GALNT9: variants seen among roughly 807,000 people sequenced by gnomAD.
GALNT9 encodes polypeptide N-acetylgalactosaminyltransferase 9, also known as GalNAc transferase 9.
GALNT9 carries 47 observed loss-of-function variants against 63.1 expected under a neutral mutation model. That is an observed-to-expected ratio of 0.75 (90% CI 0.59 to 0.95). The LOEUF (loss-of-function observed/expected upper bound fraction) is 0.95, where lower values mean the gene tolerates loss of function less well. Ranked by LOEUF, GALNT9 falls within the 40% of genes least tolerant of loss-of-function variation. The pLI is 0.00. For synonymous variants in GALNT9, 396 were observed against 365.7 expected (o/e 1.08, Z -0.94); for missense variants, 829 against 874.8 (o/e 0.95, Z 0.66).
rs1027151803 is a variant in GALNT9, at chr12:132,196,779, G to T, written c.*328C>A. ...CCGGGGCTTGGCCTCCCTATGGGGC[G>T]TGGGGGGCTGTGGTACATGCAGAGG... On this transcript the variant is annotated 3_prime_UTR_variant, in exon 11 of 11. Transcript: ENST00000328957. 7 of 1,096,688 alleles carry T rather than the reference G, an allele frequency of 6.4e-6. No individual in the cohort carries two copies. The African/African-American group carries it at 8.3e-5, about 13-fold the overall frequency. 67.9% of individuals were successfully genotyped at this position (1,096,688 alleles called of 1,614,324 possible).
rs1015087596 is a variant in GALNT9 at position 132,235,665 on chromosome 12, C to T, written c.1077+12245G>A. On this transcript the variant is annotated intron_variant, in intron 6 of 10. Transcript: ENST00000328957. Reference sequence around the variant, plus strand: ...CCAGCGGCCCTGGCGGCCAGCCCCTCGGGACAGGGCAGGAGGGTCCCCCGG... The same window carrying T: ...CCAGCGGCCCTGGCGGCCAGCCCCTTGGGACAGGGCAGGAGGGTCCCCCGG... 4.0e-5 allele frequency among the ~76,000 whole-genome samples: 6 copies of T among 151,896 alleles called. No homozygotes were observed. The East Asian group carries it at 7.8e-4, about 20-fold the overall frequency.
chr12:132,213,085 C>T (rs111827401), intron 6 of GALNT9, among the ~76,000 whole-genome samples: 268 of 93,206 alleles, frequency 2.9e-3, no homozygotes, highest in Middle Eastern at 5.1e-3. Flanking sequence ...GACCTCGACA[C>T]GGAAACCCCA....
rs561949327 is a variant in GALNT9, at chr12:132,247,799, C to T, written c.1077+111G>A. On this transcript the variant is annotated intron_variant, in intron 6 of 10. Transcript: ENST00000328957. Reference sequence around the variant, plus strand: ...CATCCCCGGACGCTGCAGCCACACTCGCCCTCACCCCGTCCCCGGACACCG... The same window carrying T: ...CATCCCCGGACGCTGCAGCCACACTTGCCCTCACCCCGTCCCCGGACACCG... 127 of 1,493,274 alleles carry T rather than the reference C, an allele frequency of 8.5e-5. 1 individual carries two copies. In the African/African-American group the frequency reaches 1.6e-3, roughly 19 times the overall value. The allele number at this position is 1,493,274 out of a possible 1,614,324, so 92.5% of individuals were successfully genotyped here. A position where few individuals can be genotyped will look rare whatever the true frequency, so the allele number is the denominator to read the frequency against.
chr12:132,261,447 GT>G (rs1487609871), intron 3 of GALNT9, among the ~76,000 whole-genome samples: 40 of 152,358 alleles, frequency 2.6e-4, no homozygotes, highest in African/African-American at 8.7e-4. Flanking sequence ...GCATGGATGG[GT>G]GGACACACAA....
At position 132,246,643 on chromosome 12, in the gene GALNT9, C is replaced by T. The variant is rs1878715552; in HGVS notation, c.1077+1267G>A. Among the ~76,000 whole-genome samples the T allele has an allele frequency of 6.6e-6, 1 of 152,226 alleles. No homozygotes were observed. Among genetic ancestry groups the T allele is most frequent in the Non-Finnish European group, 1.5e-5 (1 of 68,038 alleles). On this transcript the variant is annotated intron_variant, in intron 6 of 10. Transcript: ENST00000328957. The surrounding 1 kb of genome is among the most constrained non-coding windows in gnomAD (Gnocchi z 4.7). Reference sequence around the variant, plus strand: ...CGCCTCCTGGGTTCAAGTGATTCTCCTGCCTCAGCCTCCTGAGTAGCTGGG... The same window carrying T: ...CGCCTCCTGGGTTCAAGTGATTCTCTTGCCTCAGCCTCCTGAGTAGCTGGG...
At chr12:132,308,304 T>C (rs1347945870) in intron 1 of GALNT9, among the ~76,000 whole-genome samples, 1 of 152,152 alleles carries the variant, frequency 6.6e-6, no homozygotes, top group Non-Finnish European at 1.5e-5. Flanking sequence ...AAGAAATGTG[T>C]GTCATTTTAG....
rs138292576 is a variant in GALNT9 at position 132,282,468 on chromosome 12, C to G, written c.419+3782G>C. On this transcript the variant is annotated intron_variant, in intron 2 of 10. Coordinates refer to ENST00000328957, the MANE Select transcript of GALNT9 (RefSeq NM_001122636.2). This position sits in a 1 kb window ranked among gnomAD's most constrained non-coding sequence, Gnocchi z 4.5. ...GTGTGCGTGTGCATGTGTGTGTGCA[C>G]GCATGTGGTAATTTATTGCAAAGTC... is the stretch of plus-strand genomic sequence containing the variant. Among the ~76,000 whole-genome samples the G allele has an allele frequency of 5.3e-5, 8 of 152,150 alleles. No individual in the cohort carries two copies. Among genetic ancestry groups the G allele is most frequent in the Non-Finnish European group, 1.0e-4 (7 of 68,024 alleles).
chr12:132,197,957 C>T lies in GALNT9; in HGVS notation c.1500G>A (p.Leu500=). 6.2e-7 allele frequency: 1 copy of T among 1,605,866 alleles called. No homozygotes were observed. Among genetic ancestry groups the T allele is most frequent in the Non-Finnish European group, 8.5e-7 (1 of 1,175,524 alleles). The change falls in exon 10 of 11, where the codon CTG becomes CTA. Residue 500 remains leucine (L), a splice_region_variant and synonymous_variant. Coordinates refer to ENST00000328957, the MANE Select transcript of GALNT9 (RefSeq NM_001122636.2). Reference sequence around the variant, plus strand: ...GCAGTCCATCAGCGCTGTACCGCACCAGCTGGGGACAGGACCACCGGGACT... The same window carrying T: ...GCAGTCCATCAGCGCTGTACCGCACTAGCTGGGGACAGGACCACCGGGACT... ...LYPCHGMSSQ[L]VRYSADGLLQ...
intron 6 of GALNT9, chr12:132,240,451 C>A (rs1183876095): frequency 2.7e-6 from 1 of 364,964 alleles, no homozygotes; most frequent in Admixed American, 3.7e-5. Context: ...TCAGAACCAG[C>A]CCTCAGAACG....
intron 5 of GALNT9, 59 bp downstream of exon 5, chr12:132,257,630 C>A (rs1043599354): frequency 8.8e-6 from 12 of 1,358,406 alleles, no homozygotes; most frequent in Non-Finnish European, 1.2e-5. Flanking sequence ...ACGCCCGCCT[C>A]GCTCTGCTCC....
At chr12:132,287,639 G>T (rs1329925029) in intron 1 of GALNT9, among the ~76,000 whole-genome samples, 1 of 152,204 alleles carries the variant, frequency 6.6e-6, no homozygotes. Flanking sequence ...GGCCATCGGG[G>T]CAGGACGGGG....
intron 6 of GALNT9, among the ~76,000 whole-genome samples, chr12:132,213,914 C>T (rs1205150842): frequency 6.6e-6 from 1 of 152,222 alleles, no homozygotes; most frequent in Non-Finnish European, 1.5e-5. Flanking sequence ...ACGGAGCAGC[C>T]CTGGAGATGC....
At chr12:132,200,409 AT>A (rs1266957231) in intron 8 of GALNT9, 1 of 152,208 alleles carries the variant, frequency 6.6e-6, no homozygotes, top group East Asian at 1.9e-4. Context: ...GTGAGTGTGC[AT>A]ATCACCCATT....
intron 4 of GALNT9, among the ~76,000 whole-genome samples, chr12:132,259,269 C>T (rs984958617): frequency 3.9e-5 from 6 of 152,184 alleles, no homozygotes; most frequent in African/African-American, 7.2e-5. Context: ...TGCATTTTGA[C>T]GTGACAGACC....
rs28641840 is a variant in GALNT9, at chr12:132,319,014, G to C, written c.238+9952C>G. On this transcript the variant is annotated intron_variant, in intron 1 of 10. Transcript: ENST00000328957. The surrounding 1 kb of genome is among the most constrained non-coding windows in gnomAD (Gnocchi z 5.2). ...CAGCTGCACGGGTCCTTTGGACTTC[G>C]GCAGCGACTCTCTGGGAGGGAGGAG... Among the ~76,000 whole-genome samples the C allele has an allele frequency of 1.3e-5, 2 of 152,150 alleles. No homozygotes were observed.
intron 1 of GALNT9, among the ~76,000 whole-genome samples, chr12:132,312,748 T>C (rs1881859660): frequency 6.6e-6 from 1 of 152,190 alleles, no homozygotes; most frequent in Non-Finnish European, 1.5e-5. Flanking sequence ...GACCTGGCTT[T>C]CCCTCAGCCG....
intron 6 of GALNT9, among the ~76,000 whole-genome samples, chr12:132,216,001 A>G (rs1015714587): frequency 1.3e-5 from 2 of 152,280 alleles, no homozygotes; most frequent in Middle Eastern, 3.4e-3. Flanking sequence ...TGTGGAGGGA[A>G]GGGAGACGGT....
In GALNT9 at chr12:132,295,939, ACGGCCTC is replaced by A. The variant is rs1881049832; in HGVS notation, c.239-9516_239-9510del. Among the ~76,000 whole-genome samples, 2 of 141,770 alleles carry A rather than the reference ACGGCCTC, an allele frequency of 1.4e-5. 1 individual carries two copies. The highest frequency in any genetic ancestry group is 5.5e-5 in the African/African-American group (2 of 36,426). The allele number at this position is 141,770 out of a possible 152,430, so 93.0% of individuals were successfully genotyped here. ...GAACAGGGACGGCCTCCGAACAGGG[ACGGCCTC>A]CGAACAGGGACGGCCTCCGGAACAG... is the stretch of plus-strand genomic sequence containing the variant. On this transcript the variant is annotated intron_variant, in intron 1 of 10. Coordinates refer to ENST00000328957, the MANE Select transcript of GALNT9 (RefSeq NM_001122636.2).
At chr12:132,325,232 G>A (rs1367282263) in intron 1 of GALNT9, among the ~76,000 whole-genome samples, 6 of 152,348 alleles carry the variant, frequency 3.9e-5, no homozygotes, top group African/African-American at 1.4e-4. Context: ...ACACACAAGT[G>A]TCTCTTAAGT....
Sources: gnomAD v4.1 joint callset for allele counts (sites outside exome capture counted in the v4.1 genomes callset) on GRCh38, gnomAD v4.1.1 for gene constraint, Gnocchi (gnomAD v3.1) non-coding constraint, MANE v1.5 for transcripts, NCBI Gene and HGNC (gene_info 2026-07-23, HGNC 2026-07-21) for gene names.